The following ZBTB25 variants were observed in gnomAD, a reference collection of about 807,000 sequenced individuals.
The protein encoded by ZBTB25 is zinc finger and BTB domain-containing protein 25.
ZBTB25 carries 20 observed loss-of-function variants against 34.2 expected under a neutral mutation model. The observed-to-expected ratio is 0.58, with a 90% CI of 0.41 to 0.85. The LOEUF (loss-of-function observed/expected upper bound fraction) is 0.85. Among genes scored for constraint, ZBTB25 ranks in the 40% least tolerant of loss-of-function variants. The pLI is 0.00. For synonymous variants in ZBTB25, 175 were observed against 186.4 expected, an observed-to-expected ratio of 0.94 and a Z score of 0.50; for missense variants, 437 against 521.8, an observed-to-expected ratio of 0.84 and a Z score of 1.58.
intron 2 of ZBTB25, among the ~76,000 whole-genome samples, chr14:64,456,669 C>T (rs1029071412): frequency 3.4e-4 from 52 of 152,176 alleles, no homozygotes; most frequent in Admixed American, 6.5e-4. Flanking sequence ...AAGGACCCAT[C>T]CTTTCCTCTC....
intron 2 of ZBTB25, chr14:64,453,746 T>C: frequency 6.4e-7 from 1 of 1,557,324 alleles, no homozygotes; most frequent in Non-Finnish European, 8.9e-7. Flanking sequence ...CTCTTTCTTG[T>C]GCATTAGCTC....
At chr14:64,458,151 G>T in intron 2 of ZBTB25, 1 of 1,306,090 alleles carries the variant, frequency 7.7e-7, no homozygotes, top group Non-Finnish European at 1.1e-6. Flanking sequence ...CTCAGCCTGG[G>T]ATTATAGGCG....
At chr14:64,469,010 G>A (rs747022372) in intron 2 of ZBTB25, 2 of 1,614,174 alleles carry the variant, frequency 1.2e-6, no homozygotes, top group South Asian at 1.1e-5. Context: ...CACAACTTCT[G>A]GAGAGAAAGT....
chr14:64,486,159 G>C lies in ZBTB25; in HGVS notation c.*764C>G. On this transcript the variant is annotated 3_prime_UTR_variant, in exon 3 of 3. Transcript: ENST00000608382. ...CTAAAAAAATACAAAAAAATTAGCTGGGCGTGGTGGCGGGCGCCTGTAGTC... is the reference window on the plus strand; with the variant it reads ...CTAAAAAAATACAAAAAAATTAGCTCGGCGTGGTGGCGGGCGCCTGTAGTC... 1 of 661,438 alleles carries C rather than the reference G, an allele frequency of 1.5e-6. No individual in the cohort carries two copies. Among genetic ancestry groups the C allele is most frequent in the Non-Finnish European group, 1.9e-6 (1 of 534,616 alleles). The allele number at this position is 661,438 out of a possible 1,614,324, so 41.0% of individuals were successfully genotyped here.
At chr14:64,470,295 AT>A (rs1388956985) in intron 2 of ZBTB25, 1 of 167,102 alleles carries the variant, frequency 6.0e-6, no homozygotes, top group Non-Finnish European at 1.5e-5. Flanking sequence ...TAAGTCTCTT[AT>A]AAGCGCTATT....
At chr14:64,488,975 G>A (rs1348440454) in intron 2 of ZBTB25, among the ~76,000 whole-genome samples, 8 of 152,118 alleles carry the variant, frequency 5.3e-5, no homozygotes, top group African/African-American at 1.4e-4. Context: ...AGCAGGGTGC[G>A]GTGGCTCACG....
At chr14:64,501,679 T>C (rs1376559154) in intron 1 of ZBTB25, among the ~76,000 whole-genome samples, 3 of 152,242 alleles carry the variant, frequency 2.0e-5, no homozygotes, top group Admixed American at 6.5e-5. Flanking sequence ...CTACGGACCA[T>C]AGCAAATAAA....
Position 64,485,706 on chromosome 14 carries a change from T to C in ZBTB25, c.*1217A>G, listed in dbSNP as rs2078851203. 1.0e-5 allele frequency: 10 copies of C among 985,436 alleles called. No homozygotes were observed. The highest frequency in any genetic ancestry group is 1.0e-3 in the Middle Eastern group (2 of 1,914). 61.0% of individuals were successfully genotyped at this position (985,436 alleles called of 1,614,324 possible). On this transcript the variant is annotated 3_prime_UTR_variant, in exon 3 of 3. Coordinates refer to ENST00000608382, the MANE Select transcript of ZBTB25 (RefSeq NM_006977.5). Reference sequence around the variant, plus strand: ...TGCCACTGAAAAATTACTTTTTCAGTGATTTTTAGAAAATTAAAATCAACC... The same window carrying C: ...TGCCACTGAAAAATTACTTTTTCAGCGATTTTTAGAAAATTAAAATCAACC...
At chr14:64,489,040 A>T (rs932502982) in intron 2 of ZBTB25, among the ~76,000 whole-genome samples, 3 of 152,202 alleles carry the variant, frequency 2.0e-5, no homozygotes, top group Non-Finnish European at 4.4e-5. Flanking sequence ...TGAGGTCAGG[A>T]GTTCAAGAGG....
rs1220906867 is a variant in ZBTB25, at chr14:64,486,555, T to A, written c.*368A>T. 19 of 949,310 alleles carry A rather than the reference T, an allele frequency of 2.0e-5. No individual in the cohort carries two copies. Among genetic ancestry groups the A allele is most frequent in the Non-Finnish European group, 2.3e-5 (18 of 794,204 alleles). The allele number at this position is 949,310 out of a possible 1,614,324, so 58.8% of individuals were successfully genotyped here. A position where few individuals can be genotyped will look rare whatever the true frequency, so the allele number is the denominator to read the frequency against. ...TGTGAAATGTAGGCAGAAGTGATAG[T>A]TTAGAATATGCTTTAAAACAGATTT... On this transcript the variant is annotated 3_prime_UTR_variant, in exon 3 of 3. Transcript: ENST00000608382.
chr14:64,499,316 C>T (rs1480153069), intron 1 of ZBTB25: 1 of 152,118 alleles, frequency 6.6e-6, no homozygotes, highest in East Asian at 1.9e-4. Context: ...GGCTCGCTCC[C>T]AGCACTTTGG....
At chr14:64,505,045 C>T (rs1301929036), upstream of ZBTB25, 1 of 376,492 alleles carries the variant, frequency 2.7e-6, no homozygotes, top group Non-Finnish European at 4.7e-6. Context: ...GGAGGGGCGC[C>T]GATCCGTGCG....
At chr14:64,495,562 A>G (rs903441233) in intron 1 of ZBTB25, among the ~76,000 whole-genome samples, 11 of 152,364 alleles carry the variant, frequency 7.2e-5, no homozygotes, top group Admixed American at 4.6e-4. Flanking sequence ...ATGCCAGTCT[A>G]AAAGCCATAA....
At position 64,485,403 on chromosome 14, in the gene ZBTB25, G is replaced by A. The variant is rs1166750147; in HGVS notation, c.*1520C>T. ...TCTGTTTTATTATCCTTGACTATGC[G>A]GGGTTTGAAATTTAAACATTTCAGA... On this transcript the variant is annotated 3_prime_UTR_variant, in exon 3 of 3. Transcript: ENST00000608382. 2.8e-5 allele frequency: 28 copies of A among 985,266 alleles called. No homozygotes were observed. Among genetic ancestry groups the A allele is most frequent in the South Asian group, 4.7e-5 (1 of 21,292 alleles). The allele number at this position is 985,266 out of a possible 1,614,324, so 61.0% of individuals were successfully genotyped here.
chr14:64,503,004 GAAA>G (rs2079547717), intron 1 of ZBTB25: 3 of 985,330 alleles, frequency 3.0e-6, no homozygotes. Context: ...GCTAACTGTT[GAAA>G]CATGCTAGGT....
intron 1 of ZBTB25, chr14:64,502,700 C>A: frequency 1.0e-6 from 1 of 985,516 alleles, no homozygotes; most frequent in Non-Finnish European, 1.2e-6. Flanking sequence ...ACTGGCACTG[C>A]GGTCCTGGCA....
In ZBTB25 at chr14:64,483,126, A is replaced by C. The variant is rs1330244670; in HGVS notation, c.*3797T>G. 1 of 152,248 alleles carries C rather than the reference A, an allele frequency of 6.6e-6. No individual in the cohort carries two copies. The highest frequency in any genetic ancestry group is 1.5e-5 in the Non-Finnish European group (1 of 68,032). The allele number at this position is 152,248 out of a possible 1,614,324, so 9.4% of individuals were successfully genotyped here. A position where few individuals can be genotyped will look rare whatever the true frequency, so the allele number is the denominator to read the frequency against. On this transcript the variant is annotated 3_prime_UTR_variant, in exon 3 of 3. Coordinates refer to ENST00000608382, the MANE Select transcript of ZBTB25 (RefSeq NM_006977.5). ...AAGCTGACTCAAGGGGAAAATGTTTAGTATCTGCCTGATACACACGAAAGT... is the reference window on the plus strand; with the variant it reads ...AAGCTGACTCAAGGGGAAAATGTTTCGTATCTGCCTGATACACACGAAAGT...
At position 64,486,075 on chromosome 14, in the gene ZBTB25, A is replaced by G; in HGVS notation, c.*848T>C. ...AGCACTTTGGGAGGCCAAGGCGGGC[A>G]GATGACGAGGTCAGGAGATCGAGAC... On this transcript the variant is annotated 3_prime_UTR_variant, in exon 3 of 3. Coordinates refer to ENST00000608382, the MANE Select transcript of ZBTB25 (RefSeq NM_006977.5). The G allele has an allele frequency of 1.1e-6, 1 of 925,162 alleles. No individual in the cohort carries two copies. The highest frequency in any genetic ancestry group is 1.3e-6 in the Non-Finnish European group (1 of 775,390). The allele number at this position is 925,162 out of a possible 1,614,324, so 57.3% of individuals were successfully genotyped here.
intron 2 of ZBTB25, 76 bp from the exon 3 acceptor site, chr14:64,488,133 G>A: frequency 6.6e-7 from 1 of 1,517,770 alleles, no homozygotes; most frequent in Non-Finnish European, 8.8e-7. Context: ...TATAGTCTGA[G>A]ACTAAAGCAA....
Sources: gnomAD v4.1 joint callset for allele counts (sites outside exome capture counted in the v4.1 genomes callset) on GRCh38, gnomAD v4.1.1 for gene constraint, MANE v1.5 for transcripts, NCBI Gene and HGNC (gene_info 2026-07-23, HGNC 2026-07-21) for gene names.